MECOM: variants seen among roughly 807,000 people sequenced by gnomAD.
MECOM encodes the protein MDS1 and EVI1 complex locus.
In MECOM, 13 loss-of-function variants were observed where a neutral mutation model predicts 116.3. The ratio of observed to expected loss-of-function variants is 0.11; its 90% confidence interval spans 0.07 to 0.18. The LOEUF is 0.18. Ranked by LOEUF, MECOM falls within the 10% of genes least tolerant of loss-of-function variation. MECOM has a pLI of 1.00. For synonymous variants in MECOM, 528 were observed against 535.2 expected, an observed-to-expected ratio of 0.99 and a Z score of 0.19; for missense variants, 1,299 against 1,509.0, an observed-to-expected ratio of 0.86 and a Z score of 2.31.
chr3:169,584,380 A>G (rs1031797980), intron 1 of MECOM, among the ~76,000 whole-genome samples: 1 of 151,336 alleles, frequency 6.6e-6, no homozygotes, highest in Non-Finnish European at 1.5e-5. Context: ...CTTGGCTAAC[A>G]CGGTGAAACC....
intron 2 of MECOM, among the ~76,000 whole-genome samples, chr3:169,369,521 T>C (rs906603881): frequency 1.3e-5 from 2 of 151,654 alleles, no homozygotes; most frequent in Non-Finnish European, 2.9e-5. Flanking sequence ...TAATTTTTAA[T>C]TTATTTTTTG....
intron 1 of MECOM, among the ~76,000 whole-genome samples, chr3:169,513,727 T>A (rs1756268039): frequency 6.6e-6 from 1 of 152,218 alleles, no homozygotes; most frequent in African/African-American, 2.4e-5. Flanking sequence ...TATATTTTAG[T>A]ACTAAGTACA....
Position 169,143,873 on chromosome 3 carries a change from C to T in MECOM, c.376-41G>A, listed in dbSNP as rs371625603. 9 of 1,532,944 alleles carry T rather than the reference C, an allele frequency of 5.9e-6. No homozygotes were observed. In the African/African-American group the frequency reaches 1.1e-4, roughly 19 times the overall value. The allele number at this position is 1,532,944 out of a possible 1,614,324, so 95.0% of individuals were successfully genotyped here. A position where few individuals can be genotyped will look rare whatever the true frequency, so the allele number is the denominator to read the frequency against. ...TGAGAACAATCAATTGCCATATTGGCCCACTCATTAAAATAATCAGTTGTT... is the reference window on the plus strand; with the variant it reads ...TGAGAACAATCAATTGCCATATTGGTCCACTCATTAAAATAATCAGTTGTT... On this transcript the variant is annotated intron_variant, in intron 2 of 16. Coordinates refer to ENST00000651503, the MANE Select transcript of MECOM (RefSeq NM_004991.4).
chr3:169,657,688 C>T (rs1340714283), intron 1 of MECOM, among the ~76,000 whole-genome samples: 1 of 152,208 alleles, frequency 6.6e-6, no homozygotes, highest in Non-Finnish European at 1.5e-5. Flanking sequence ...CTGAACCACA[C>T]TCAAATAAGC....
rs765564966 is a variant in MECOM, at chr3:169,090,048, T to C, written c.3353A>G (p.Tyr1118Cys). ...NLHEGNPEDD[Y>C]EETSALEMSC... is the part of the protein sequence containing the mutation. Reference sequence around the variant, plus strand: ...CATCTCCAGGGCACTGGTTTCTTCATAGTCATCCTCAGGGTTTCCTTCATG... The same window carrying C: ...CATCTCCAGGGCACTGGTTTCTTCACAGTCATCCTCAGGGTTTCCTTCATG... Residue 1118 changes from tyrosine (Y) to cysteine (C), a missense_variant, in exon 15 of 17, where the codon TAT becomes TGT. By Grantham distance (194) the Tyr-to-Cys change is radical. This residue lies in a region of MECOM where 273 missense variants were observed against 289.3 expected (regional missense o/e 0.94). Coordinates refer to ENST00000651503, the MANE Select transcript of MECOM (RefSeq NM_004991.4). The C allele has an allele frequency of 1.4e-5, 22 of 1,613,550 alleles. No homozygotes were observed. The highest frequency in any genetic ancestry group is 1.6e-5 in the Non-Finnish European group (19 of 1,179,682).
intron 1 of MECOM, among the ~76,000 whole-genome samples, chr3:169,465,047 A>G (rs1748060408): frequency 6.6e-6 from 1 of 152,142 alleles, no homozygotes; most frequent in Non-Finnish European, 1.5e-5. Context: ...ATGAATACTT[A>G]TATTAGAATC....
At chr3:169,570,561 C>T (rs1161663602) in intron 1 of MECOM, among the ~76,000 whole-genome samples, 1 of 152,088 alleles carries the variant, frequency 6.6e-6, no homozygotes, top group Non-Finnish European at 1.5e-5. Flanking sequence ...GGCCAATATC[C>T]CTGATGAACA....
chr3:169,617,977 C>T (rs972789759), intron 1 of MECOM, among the ~76,000 whole-genome samples: 12 of 152,152 alleles, frequency 7.9e-5, no homozygotes, highest in African/African-American at 2.9e-4. Context: ...CCCTCAGCTC[C>T]TTTGCACTGA....
rs1553898653 is a variant in MECOM, at chr3:169,610,527, G to GTATA, written c.37+52805_37+52808dup. On this transcript the variant is annotated intron_variant, in intron 1 of 16. Transcript: ENST00000651503. ...TGTGTGTGTGTGTGTGTGTGTGTGT[G>GTATA]TATAATATCCCTATTTTACAGATGG... 5.2e-3 allele frequency among the ~76,000 whole-genome samples: 779 copies of GTATA among 151,078 alleles called. 15 individuals are homozygous for GTATA. Among genetic ancestry groups the GTATA allele is most frequent in the African/African-American group, 0.013 (520 of 41,100 alleles).
At chr3:169,325,639 A>G (rs1451005177) in intron 2 of MECOM, among the ~76,000 whole-genome samples, 1 of 152,210 alleles carries the variant, frequency 6.6e-6, no homozygotes, top group African/African-American at 2.4e-5. Flanking sequence ...GCACTGTATC[A>G]ACTAACATAT....
chr3:169,228,642 G>A (rs911262867), intron 2 of MECOM, among the ~76,000 whole-genome samples: 4 of 152,104 alleles, frequency 2.6e-5, no homozygotes, highest in South Asian at 2.1e-4. Context: ...TAACCTCAAA[G>A]GCATTTCCAT....
intron 13 of MECOM, 73 bp downstream of exon 13, chr3:169,095,003 T>C (rs1721023396): frequency 7.8e-7 from 1 of 1,274,404 alleles, no homozygotes; most frequent in African/African-American, 1.5e-5. Flanking sequence ...AGAAGAAAGA[T>C]CACATTATCT....
At chr3:169,630,079 G>A (rs181130965) in intron 1 of MECOM, among the ~76,000 whole-genome samples, 5 of 152,140 alleles carry the variant, frequency 3.3e-5, no homozygotes, top group Non-Finnish European at 4.4e-5. Context: ...GGCTTGTGAC[G>A]CTCTCCACAC....
chr3:169,261,753 A>C (rs1426175159), intron 2 of MECOM, among the ~76,000 whole-genome samples: 1 of 150,980 alleles, frequency 6.6e-6, no homozygotes, highest in Non-Finnish European at 1.5e-5. Context: ...GAAAAGAAGA[A>C]GAAGAAGAGG....
At chr3:169,271,736 AC>A (rs1758965449) in intron 2 of MECOM, among the ~76,000 whole-genome samples, 2 of 152,192 alleles carry the variant, frequency 1.3e-5, no homozygotes, top group South Asian at 4.1e-4. Context: ...GTGCACATGT[AC>A]CCTAGAACTT....
chr3:169,631,702 A>C (rs1461853606), intron 1 of MECOM, among the ~76,000 whole-genome samples: 2 of 146,954 alleles, frequency 1.4e-5, no homozygotes, highest in Non-Finnish European at 3.0e-5. Flanking sequence ...ATGAGTGAGA[A>C]TATGCAGTGT....
intron 2 of MECOM, among the ~76,000 whole-genome samples, chr3:169,258,326 T>G (rs964349778): frequency 1.3e-5 from 2 of 152,190 alleles, no homozygotes; most frequent in Non-Finnish European, 2.9e-5. Flanking sequence ...AACCAGAGAT[T>G]AGAACTAGAA....
rs71634436 is a variant in MECOM at position 169,649,409 on chromosome 3, CAAA to C, written c.37+13924_37+13926del. Among the ~76,000 whole-genome samples, 708 of 74,438 alleles carry C rather than the reference CAAA, an allele frequency of 9.5e-3. 8 individuals carry two copies. Among genetic ancestry groups the C allele is most frequent in the Middle Eastern group, 0.033 (3 of 92 alleles). The allele number at this position is 74,438 out of a possible 152,430, so 48.8% of individuals were successfully genotyped here. A position where few individuals can be genotyped will look rare whatever the true frequency, so the allele number is the denominator to read the frequency against. ...GGGCGGCAAGAGCGAAACTCCATCT[CAAA>C]AAAAAAAAAAAAAAAAATAGGAAAA... is the stretch of plus-strand genomic sequence containing the variant. On this transcript the variant is annotated intron_variant, in intron 1 of 16. Transcript: ENST00000651503.
At chr3:169,159,940 T>G (rs1172686459) in intron 2 of MECOM, among the ~76,000 whole-genome samples, 1 of 152,192 alleles carries the variant, frequency 6.6e-6, no homozygotes, top group Non-Finnish European at 1.5e-5. Context: ...CTTAATTTAG[T>G]GTCTAGCACA....
Sources: allele counts gnomAD v4.1 joint callset (sites outside exome capture counted in the v4.1 genomes callset), GRCh38; gene constraint gnomAD v4.1.1; regional missense constraint gnomAD v4.1.1; transcripts MANE v1.5; gene names NCBI Gene and HGNC (gene_info 2026-07-23, HGNC 2026-07-21).